Variants in MSRA observed in about 807,000 individuals in gnomAD.
The protein encoded by MSRA is methionine sulfoxide reductase A, also known as mitochondrial peptide methionine sulfoxide reductase.
A neutral mutation model predicts 31.3 loss-of-function variants in MSRA; 54 were observed. That is an observed-to-expected ratio of 1.73 (90% CI 1.39 to 2.17). The LOEUF is 2.17. MSRA is among the 30% of genes most tolerant of loss of function. The pLI is 0.00. For synonymous variants in MSRA, 169 were observed against 116.5 expected (o/e 1.45, Z -2.90); for missense variants, 507 against 300.9 (o/e 1.69, Z -5.07).
Position 10,236,317 on chromosome 8 carries a change from C to G in MSRA, c.212-8787C>G, listed in dbSNP as rs532917643. Among the ~76,000 whole-genome samples, 51 of 152,202 alleles carry G rather than the reference C, an allele frequency of 3.4e-4. 1 individual carries two copies. Among genetic ancestry groups the G allele is most frequent in the African/African-American group, 1.1e-3 (47 of 41,536 alleles). On this transcript the variant is annotated intron_variant, in intron 2 of 5. Coordinates refer to ENST00000317173, the MANE Select transcript of MSRA (RefSeq NM_012331.5). ...GAATGGGAGAGGGAGACAGAAAACT[C>G]ATTTGTACAGAATATAACTTTCTGT... is the stretch of plus-strand genomic sequence containing the variant.
chr8:10,092,960 C>T (rs895196425), intron 1 of MSRA, among the ~76,000 whole-genome samples: 5 of 152,088 alleles, frequency 3.3e-5, no homozygotes, highest in African/African-American at 7.2e-5. Context: ...TAGTAGCAAG[C>T]GTTTTCTTAA....
chr8:10,089,365 A>C (rs1290298921), intron 1 of MSRA, among the ~76,000 whole-genome samples: 1 of 152,194 alleles, frequency 6.6e-6, no homozygotes, highest in Admixed American at 6.5e-5. Flanking sequence ...GTTCATTTTC[A>C]CCTCCTCTTT....
chr8:10,078,545 C>T (rs1206463133), intron 1 of MSRA, among the ~76,000 whole-genome samples: 1 of 152,232 alleles, frequency 6.6e-6, no homozygotes, highest in Non-Finnish European at 1.5e-5. Context: ...CTGCTTCCTG[C>T]AGCTTGTGTG....
At chr8:10,264,052 C>G (rs1251625097) in intron 3 of MSRA, among the ~76,000 whole-genome samples, 1 of 152,102 alleles carries the variant, frequency 6.6e-6, no homozygotes, top group Non-Finnish European at 1.5e-5. Flanking sequence ...GTATATTTTA[C>G]CTTAATAAGC....
chr8:10,123,154 G>A (rs972296446), intron 1 of MSRA, among the ~76,000 whole-genome samples: 5 of 152,252 alleles, frequency 3.3e-5, no homozygotes, highest in Non-Finnish European at 5.9e-5. Flanking sequence ...CAGTGTGTAA[G>A]TGTTTTCTTC....
At chr8:10,159,486 C>G (rs916301715) in intron 1 of MSRA, among the ~76,000 whole-genome samples, 2 of 152,210 alleles carry the variant, frequency 1.3e-5, no homozygotes, top group African/African-American at 4.8e-5. Context: ...CCTCTTACTT[C>G]TGGAGCTTTG....
intron 5 of MSRA, among the ~76,000 whole-genome samples, chr8:10,372,561 T>A (rs1026234536): frequency 6.6e-6 from 1 of 152,148 alleles, no homozygotes; most frequent in African/African-American, 2.4e-5. Context: ...CTAGCAACGG[T>A]AACTATCCAA....
chr8:10,322,228 A>G (rs758746814), intron 5 of MSRA, among the ~76,000 whole-genome samples: 1 of 61,990 alleles, frequency 1.6e-5, no homozygotes, highest in Non-Finnish European at 3.2e-5. Context: ...CATTATCCCC[A>G]TTTTCCAGAT....
rs186068919 is a variant in MSRA, at chr8:10,215,792, A to G, written c.211+7891A>G. 2.5e-3 allele frequency among the ~76,000 whole-genome samples: 382 copies of G among 152,256 alleles called. 2 individuals carry two copies. Among genetic ancestry groups the G allele is most frequent in the African/African-American group, 8.5e-3 (353 of 41,568 alleles). ...CTGTAAAGCTAATCAGATGTGGCTA[A>G]TTTTTTCACTTTTTGCAGTAGTGTA... On this transcript the variant is annotated intron_variant, in intron 2 of 5. Coordinates refer to ENST00000317173, the MANE Select transcript of MSRA (RefSeq NM_012331.5).
intron 3 of MSRA, among the ~76,000 whole-genome samples, chr8:10,252,275 C>A (rs1272102796): frequency 1.3e-5 from 2 of 152,280 alleles, no homozygotes; most frequent in South Asian, 2.1e-4. Context: ...AAGTTCGAAT[C>A]GTACACCCAT....
At position 10,373,212 on chromosome 8, in the gene MSRA, G is replaced by T. The variant is rs182088485; in HGVS notation, c.543+53223G>T. Among the ~76,000 whole-genome samples, 9 of 152,304 alleles carry T rather than the reference G, an allele frequency of 5.9e-5. No homozygotes were observed. The East Asian group carries it at 1.4e-3, about 23-fold the overall frequency. On this transcript the variant is annotated intron_variant, in intron 5 of 5. Transcript: ENST00000317173. Reference sequence around the variant, plus strand: ...AGCCGCTAAGTGATTATTTACCAGCGAAATCTTGTCTAATCCCCCATCCAG... The same window carrying T: ...AGCCGCTAAGTGATTATTTACCAGCTAAATCTTGTCTAATCCCCCATCCAG...
At chr8:10,312,366 A>AGAT (rs1563337979) in intron 4 of MSRA, among the ~76,000 whole-genome samples, 6 of 152,254 alleles carry the variant, frequency 3.9e-5, no homozygotes, top group Admixed American at 6.5e-5. Context: ...GAAACCAGGA[A>AGAT]GATATGATAA....
At chr8:10,099,395 G>A (rs1269909590) in intron 1 of MSRA, among the ~76,000 whole-genome samples, 1 of 152,122 alleles carries the variant, frequency 6.6e-6, no homozygotes, top group Non-Finnish European at 1.5e-5. Flanking sequence ...TATAATTGCT[G>A]CCCATAGGAA....
chr8:10,358,075 A>C (rs886257922), intron 5 of MSRA, among the ~76,000 whole-genome samples: 5 of 152,142 alleles, frequency 3.3e-5, no homozygotes, highest in African/African-American at 1.2e-4. Context: ...GGTGTGCACC[A>C]CCATGCCCAG....
intron 1 of MSRA, among the ~76,000 whole-genome samples, chr8:10,082,947 A>G: frequency 6.6e-6 from 1 of 152,252 alleles, no homozygotes; most frequent in African/African-American, 2.4e-5. Flanking sequence ...TAATAATCTC[A>G]GCTCTTAAGG....
At chr8:10,152,022 T>C (rs980329828) in intron 1 of MSRA, among the ~76,000 whole-genome samples, 5 of 152,246 alleles carry the variant, frequency 3.3e-5, no homozygotes, top group African/African-American at 1.2e-4. Context: ...AGGGTGCTTC[T>C]GAAGTAGTTT....
chr8:10,417,772 G>GTGTGTGTGTGTGTGTGTC (rs1808567435), intron 5 of MSRA, among the ~76,000 whole-genome samples: 1 of 151,028 alleles, frequency 6.6e-6, no homozygotes, highest in Admixed American at 6.6e-5. Flanking sequence ...GTGTGTGTGT[G>GTGTGTGTGTGTGTGTGTC]TGTGTGTCTG....
intron 4 of MSRA, among the ~76,000 whole-genome samples, chr8:10,305,409 C>CTTTTTTTTTTTTTTTTT (rs549346544): frequency 4.1e-5 from 5 of 122,966 alleles, no homozygotes; most frequent in African/African-American, 1.2e-4. Context: ...TGTTTTCTTC[C>CTTTTTTTTTTTTTTTTT]TTTTTTTTTT....
intron 1 of MSRA, among the ~76,000 whole-genome samples, chr8:10,061,564 A>T (rs1802729796): frequency 6.6e-6 from 1 of 152,110 alleles, no homozygotes; most frequent in African/African-American, 2.4e-5. Flanking sequence ...TAGTGAGCTC[A>T]CAGCACTTCA....
Sources: allele counts gnomAD v4.1 joint callset (sites outside exome capture counted in the v4.1 genomes callset), GRCh38; gene constraint gnomAD v4.1.1; transcripts MANE v1.5; gene names NCBI Gene and HGNC (gene_info 2026-07-23, HGNC 2026-07-21).